HFE: variants seen among roughly 807,000 people sequenced by gnomAD.
HFE encodes hereditary hemochromatosis protein.
Under a neutral mutation model 40.9 loss-of-function variants are expected in HFE, and 36 were observed. The ratio of observed to expected loss-of-function variants is 0.88; its 90% confidence interval spans 0.67 to 1.16. HFE has a LOEUF of 1.16. HFE is among the 50% of genes most tolerant of loss of function. HFE has a pLI of 0.00. For missense variants in HFE, 376 were observed against 432.0 expected, an observed-to-expected ratio of 0.87 and a Z score of 1.15; for synonymous variants, 157 against 165.4, an observed-to-expected ratio of 0.95 and a Z score of 0.39.
In HFE at chr6:26,096,147, C is replaced by CTT. The variant is rs373020944; in HGVS notation, c.*1934_*1935dup. On this transcript the variant is annotated 3_prime_UTR_variant, in exon 6 of 6. Coordinates refer to ENST00000357618, the MANE Select transcript of HFE (RefSeq NM_000410.4). ...ATCAGTTCACCATGTTCAAAAGAGT[C>CTT]TTTTTTTTTTTTTTGAGACTCTATT... 135 of 146,680 alleles carry CTT rather than the reference C, an allele frequency of 9.2e-4. No homozygotes were observed. The highest frequency in any genetic ancestry group is 6.9e-3 in the Middle Eastern group (2 of 288). 9.1% of individuals were successfully genotyped at this position (146,680 alleles called of 1,614,324 possible).
rs1763014192 is a variant in HFE, at chr6:26,096,080, A to C, written c.*1854A>C. 1 of 155,520 alleles carries C rather than the reference A, an allele frequency of 6.4e-6. No individual in the cohort carries two copies. Among genetic ancestry groups the C allele is most frequent in the African/African-American group, 2.4e-5 (1 of 41,458 alleles). 9.6% of individuals were successfully genotyped at this position (155,520 alleles called of 1,614,324 possible). A position where few individuals can be genotyped will look rare whatever the true frequency, so the allele number is the denominator to read the frequency against. ...TGGGGTTCCGGTGCACATTAAAAAA[A>C]AAATCTAACCAGGACATTCAGGAAT... On this transcript the variant is annotated 3_prime_UTR_variant, in exon 6 of 6. Transcript: ENST00000357618.
In HFE at chr6:26,096,975, G is replaced by A. The variant is rs547917975; in HGVS notation, c.*2749G>A. On this transcript the variant is annotated 3_prime_UTR_variant, in exon 6 of 6. Coordinates refer to ENST00000357618, the MANE Select transcript of HFE (RefSeq NM_000410.4). Reference sequence around the variant, plus strand: ...TTCAACTGTGGTAGCCGAATTAATCGTGTTTCTTCACTCTAGGGACATTGT... The same window carrying A: ...TTCAACTGTGGTAGCCGAATTAATCATGTTTCTTCACTCTAGGGACATTGT... The A allele has an allele frequency of 4.2e-5, 9 of 215,662 alleles. No homozygotes were observed. The East Asian group carries it at 5.9e-4, about 14-fold the overall frequency. The allele number at this position is 215,662 out of a possible 1,614,324, so 13.4% of individuals were successfully genotyped here. A position where few individuals can be genotyped will look rare whatever the true frequency, so the allele number is the denominator to read the frequency against.
intron 3 of HFE, 118 bp from the exon 4 acceptor site, chr6:26,092,567 T>G: frequency 1.3e-6 from 2 of 1,592,170 alleles, no homozygotes; most frequent in Non-Finnish European, 1.7e-6. Context: ...TCCTGTAGCT[T>G]GTTTTTTTCT....
rs1763084420 is a variant in HFE at position 26,097,430 on chromosome 6, A to G, written c.*3204A>G. 6.6e-6 allele frequency: 1 copy of G among 152,184 alleles called. No individual in the cohort carries two copies. Among genetic ancestry groups the G allele is most frequent in the Non-Finnish European group, 1.5e-5 (1 of 68,036 alleles). 9.4% of individuals were successfully genotyped at this position (152,184 alleles called of 1,614,324 possible). On this transcript the variant is annotated 3_prime_UTR_variant, in exon 6 of 6. Transcript: ENST00000357618. ...TAAATTCTTATTCACCTCTGGCAAA[A>G]CCATTCACAAACCATGGTAGTAAAG... is the stretch of plus-strand genomic sequence containing the variant.
At position 26,096,432 on chromosome 6, in the gene HFE, C is replaced by A; in HGVS notation, c.*2206C>A. ...TACAGGTGTGAGCCACCCTGCCCAG[C>A]CGTCAAAAGAGTCTTAATATATATA... On this transcript the variant is annotated 3_prime_UTR_variant, in exon 6 of 6. Coordinates refer to ENST00000357618, the MANE Select transcript of HFE (RefSeq NM_000410.4). The A allele has an allele frequency of 2.2e-6, 1 of 455,528 alleles. No individual in the cohort carries two copies. The highest frequency in any genetic ancestry group is 1.6e-5 in the South Asian group (1 of 64,506). 28.2% of individuals were successfully genotyped at this position (455,528 alleles called of 1,614,324 possible).
At chr6:26,089,636 T>C (rs561401092) in intron 1 of HFE, among the ~76,000 whole-genome samples, 6 of 152,100 alleles carry the variant, frequency 3.9e-5, no homozygotes, top group Non-Finnish European at 8.8e-5. Flanking sequence ...GATTCTATGT[T>C]GTGTGAGAGA....
Position 26,096,656 on chromosome 6 carries a change from T to C in HFE, c.*2430T>C. The C allele has an allele frequency of 2.3e-6, 1 of 442,348 alleles. No homozygotes were observed. The allele number at this position is 442,348 out of a possible 1,614,324, so 27.4% of individuals were successfully genotyped here. A position where few individuals can be genotyped will look rare whatever the true frequency, so the allele number is the denominator to read the frequency against. Reference sequence around the variant, plus strand: ...TCTTTTTTTGTGGTTAGAAAAGTTATGTAGAAAAAAGTAAATGTGATTTAC... The same window carrying C: ...TCTTTTTTTGTGGTTAGAAAAGTTACGTAGAAAAAAGTAAATGTGATTTAC... On this transcript the variant is annotated 3_prime_UTR_variant, in exon 6 of 6. Transcript: ENST00000357618.
intron 1 of HFE, among the ~76,000 whole-genome samples, chr6:26,089,304 A>C (rs1195082887): frequency 6.6e-6 from 1 of 152,068 alleles, no homozygotes; most frequent in Non-Finnish European, 1.5e-5. Flanking sequence ...TGAAAAAAAT[A>C]AACAAGTAGT....
At chr6:26,089,179 G>A (rs1462160472) in intron 1 of HFE, among the ~76,000 whole-genome samples, 1 of 150,956 alleles carries the variant, frequency 6.6e-6, no homozygotes, top group African/African-American at 2.4e-5. Context: ...GCAGTATCCT[G>A]TCCTCCCTAC....
At chr6:26,088,559 C>G (rs1044527044) in intron 1 of HFE, among the ~76,000 whole-genome samples, 2 of 152,210 alleles carry the variant, frequency 1.3e-5, no homozygotes, top group Admixed American at 1.3e-4. Context: ...CCGGCCTCAG[C>G]ACAGCACTTT....
chr6:26,092,782 G>A lies in HFE; in HGVS notation c.714G>A (p.Lys238=), dbSNP rs2113761169. Residue 238 remains lysine (K), a synonymous_variant, in exon 4 of 6, where the codon AAG becomes AAA. Coordinates refer to ENST00000357618, the MANE Select transcript of HFE (RefSeq NM_000410.4). ...ACTACCCCCAGAACATCACCATGAA[G>A]TGGCTGAAGGATAAGCAGCCAATGG... ...LNYYPQNITM[K]WLKDKQPMDA... is the part of the protein sequence containing the mutation. 6.2e-7 allele frequency: 1 copy of A among 1,614,228 alleles called. No individual in the cohort carries two copies. Among genetic ancestry groups the A allele is most frequent in the Non-Finnish European group, 8.5e-7 (1 of 1,180,032 alleles).
Position 26,091,582 on chromosome 6 carries a change from C to A in HFE, c.609C>A (p.Asp203Glu), listed in dbSNP as rs747982532. The change falls in exon 3 of 6, where the codon GAC becomes GAA. Residue 203 changes from aspartate (D) to glutamate (E), a missense_variant. By Grantham distance (45) the Asp-to-Glu change is conservative (BLOSUM62 2). Around this residue, in one of 3 missense-constraint regions of HFE, gnomAD observed 173 missense variants for 186.9 expected, o/e 0.93. Coordinates refer to ENST00000357618, the MANE Select transcript of HFE (RefSeq NM_000410.4). The stretch of plus-strand genomic sequence containing the variant: ...TGGAGCTGGGGAGAGGTGTTTTGGA[C>A]CAACAAGGTATGGTGGAAACACACT... Reference protein sequence around the residue: ...QLLELGRGVLDQQVPPLVKVT... With the variant: ...QLLELGRGVLEQQVPPLVKVT... 2 of 1,612,810 alleles carry A rather than the reference C, an allele frequency of 1.2e-6. No homozygotes were observed. The highest frequency in any genetic ancestry group is 1.7e-6 in the Non-Finnish European group (2 of 1,179,850).
Position 26,096,436 on chromosome 6 carries a change from C to G in HFE, c.*2210C>G, listed in dbSNP as rs1462638515. ...GGTGTGAGCCACCCTGCCCAGCCGT[C>G]AAAAGAGTCTTAATATATATATCCA... is the stretch of plus-strand genomic sequence containing the variant. On this transcript the variant is annotated 3_prime_UTR_variant, in exon 6 of 6. Coordinates refer to ENST00000357618, the MANE Select transcript of HFE (RefSeq NM_000410.4). The G allele has an allele frequency of 2.2e-6, 1 of 455,712 alleles. No individual in the cohort carries two copies. Among genetic ancestry groups the G allele is most frequent in the Admixed American group, 2.4e-5 (1 of 42,530 alleles). The allele number at this position is 455,712 out of a possible 1,614,324, so 28.2% of individuals were successfully genotyped here. A position where few individuals can be genotyped will look rare whatever the true frequency, so the allele number is the denominator to read the frequency against.
At position 26,096,894 on chromosome 6, in the gene HFE, G is replaced by T; in HGVS notation, c.*2668G>T. 1 of 212,170 alleles carries T rather than the reference G, an allele frequency of 4.7e-6. No individual in the cohort carries two copies. The highest frequency in any genetic ancestry group is 9.6e-6 in the Non-Finnish European group (1 of 104,092). The allele number at this position is 212,170 out of a possible 1,614,324, so 13.1% of individuals were successfully genotyped here. On this transcript the variant is annotated 3_prime_UTR_variant, in exon 6 of 6. Transcript: ENST00000357618. ...ATATACTTAATCGCTTTGTCATTTTGGAGACATTTATTTTGCTTCTAATTT... is the reference window on the plus strand; with the variant it reads ...ATATACTTAATCGCTTTGTCATTTTTGAGACATTTATTTTGCTTCTAATTT...
Position 26,096,913 on chromosome 6 carries a change from C to G in HFE, c.*2687C>G, listed in dbSNP as rs1165951333. ...CATTTTGGAGACATTTATTTTGCTT[C>G]TAATTTCTTTACATTTTGTCTTACG... On this transcript the variant is annotated 3_prime_UTR_variant, in exon 6 of 6. Transcript: ENST00000357618. 1 of 214,930 alleles carries G rather than the reference C, an allele frequency of 4.7e-6. No individual in the cohort carries two copies. 13.3% of individuals were successfully genotyped at this position (214,930 alleles called of 1,614,324 possible). A position where few individuals can be genotyped will look rare whatever the true frequency, so the allele number is the denominator to read the frequency against.
chr6:26,089,844 C>G (rs1279549264), intron 1 of HFE, among the ~76,000 whole-genome samples: 1 of 151,946 alleles, frequency 6.6e-6, no homozygotes, highest in East Asian at 1.9e-4. Context: ...GAGGGTATTG[C>G]TTGAGCCCAG....
rs945769842 is a variant in HFE, at chr6:26,090,994, G to A, written c.230G>A (p.Ser77Asn). ...GAGCCCCGAACTCCATGGGTTTCCA[G>A]TAGAATTTCAAGCCAGATGTGGCTG... ...RVEPRTPWVS[S>N]RISSQMWLQL... is the part of the protein sequence containing the mutation. Residue 77 changes from serine (S) to asparagine (N), a missense_variant, in exon 2 of 6, where the codon AGT (serine) becomes AAT (asparagine). By Grantham distance (46) the Ser-to-Asn change is conservative. Transcript: ENST00000357618. The A allele has an allele frequency of 1.9e-6, 3 of 1,614,090 alleles. No homozygotes were observed. The highest frequency in any genetic ancestry group is 2.2e-5 in the East Asian group (1 of 44,892).
rs996426896 is a variant in HFE, at chr6:26,097,449, A to C, written c.*3223A>C. 6.6e-6 allele frequency: 1 copy of C among 152,218 alleles called. No individual in the cohort carries two copies. Among genetic ancestry groups the C allele is most frequent in the Non-Finnish European group, 1.5e-5 (1 of 68,036 alleles). 9.4% of individuals were successfully genotyped at this position (152,218 alleles called of 1,614,324 possible). ...GGCAAAACCATTCACAAACCATGGT[A>C]GTAAAGAGAAGGGTGACACCTGGTG... On this transcript the variant is annotated 3_prime_UTR_variant, in exon 6 of 6. Coordinates refer to ENST00000357618, the MANE Select transcript of HFE (RefSeq NM_000410.4).
In HFE at chr6:26,096,189, A is replaced by C; in HGVS notation, c.*1963A>C. The stretch of plus-strand genomic sequence containing the variant: ...GACTCTATTGCCCAGGCTGGAGTGC[A>C]ATGGCATGATCTCGGCTCACTGTAA... On this transcript the variant is annotated 3_prime_UTR_variant, in exon 6 of 6. Coordinates refer to ENST00000357618, the MANE Select transcript of HFE (RefSeq NM_000410.4). 1 of 189,284 alleles carries C rather than the reference A, an allele frequency of 5.3e-6. No homozygotes were observed. Among genetic ancestry groups the C allele is most frequent in the Non-Finnish European group, 1.1e-5 (1 of 90,674 alleles). 11.7% of individuals were successfully genotyped at this position (189,284 alleles called of 1,614,324 possible). A position where few individuals can be genotyped will look rare whatever the true frequency, so the allele number is the denominator to read the frequency against.
Sources: gnomAD v4.1 joint callset for allele counts (sites outside exome capture counted in the v4.1 genomes callset) on GRCh38, gnomAD v4.1.1 for gene constraint, gnomAD v4.1.1 regional missense constraint, MANE v1.5 for transcripts, NCBI Gene and HGNC (gene_info 2026-07-23, HGNC 2026-07-21) for gene names.